The following PDE7A variants were observed in gnomAD, a reference collection of about 807,000 sequenced individuals.
PDE7A encodes phosphodiesterase 7A.
Under a neutral mutation model 64.3 loss-of-function variants are expected in PDE7A, and 39 were observed. That is an observed-to-expected ratio of 0.61 (90% CI 0.47 to 0.79). The LOEUF (loss-of-function observed/expected upper bound fraction) is 0.79, where lower values mean the gene tolerates loss of function less well. Ranked by LOEUF, PDE7A falls within the 30% of genes least tolerant of loss-of-function variation. PDE7A has a pLI of 0.00. For missense variants in PDE7A, 470 were observed against 582.8 expected, an observed-to-expected ratio of 0.81 and a Z score of 1.99; for synonymous variants, 203 against 206.8, an observed-to-expected ratio of 0.98 and a Z score of 0.16.
chr8:65,769,043 T>C (rs1808939981), intron 3 of PDE7A, among the ~76,000 whole-genome samples: 1 of 151,124 alleles, frequency 6.6e-6, no homozygotes, highest in South Asian at 2.1e-4. Context: ...AGGTCAGGAG[T>C]TCAAGACCAG....
intron 1 of PDE7A, among the ~76,000 whole-genome samples, chr8:65,785,836 AT>A (rs59412396): frequency 0.48 from 72,969 of 151,444 alleles, 20,442 homozygotes; most frequent in African/African-American, 0.78. Flanking sequence ...TATTATTATG[AT>A]TTTTTTTTAA....
At chr8:65,787,539 T>C (rs1316840247) in intron 1 of PDE7A, among the ~76,000 whole-genome samples, 1 of 152,206 alleles carries the variant, frequency 6.6e-6, no homozygotes, top group Non-Finnish European at 1.5e-5. Context: ...ATTGCACTGA[T>C]CTACCAAACA....
At chr8:65,762,675 C>A (rs1482573298) in intron 3 of PDE7A, among the ~76,000 whole-genome samples, 1 of 152,082 alleles carries the variant, frequency 6.6e-6, no homozygotes, top group East Asian at 1.9e-4. Flanking sequence ...TAGACATGGT[C>A]ATTATTATGA....
chr8:65,740,674 T>TGCTGCCA (rs1428739551), intron 5 of PDE7A, among the ~76,000 whole-genome samples: 2 of 152,280 alleles, frequency 1.3e-5, no homozygotes, highest in South Asian at 4.1e-4. Context: ...TGCTGGGATT[T>TGCTGCCA]ACAGGCGTGA....
At position 65,782,790 on chromosome 8, in the gene PDE7A, A is replaced by G; in HGVS notation, c.192T>C (p.Arg64=). 1 of 1,567,958 alleles carries G rather than the reference A, an allele frequency of 6.4e-7. No homozygotes were observed. The highest frequency in any genetic ancestry group is 8.8e-7 in the Non-Finnish European group (1 of 1,142,142). The part of the protein sequence containing the change: ...DSSDQTALYI[R]MLGDVRVRSR... The stretch of plus-strand genomic sequence containing the variant: ...AAAATAAATAATGCTTACCTAGCAT[A>G]CGAATGTATAATGCAGTCTGATCAG... The change falls in exon 2 of 13, where the codon CGT becomes CGC. Residue 64 remains arginine (R), a synonymous_variant. Coordinates refer to ENST00000401827, the MANE Select transcript of PDE7A (RefSeq NM_001242318.3).
chr8:65,730,019 TAGGAACCTGAG>T (rs1806788289), intron 7 of PDE7A, among the ~76,000 whole-genome samples: 1 of 151,752 alleles, frequency 6.6e-6, no homozygotes. Flanking sequence ...CATGGCCTGT[TAGGAACCTGAG>T]AGGAACCAGG....
intron 1 of PDE7A, among the ~76,000 whole-genome samples, chr8:65,790,574 G>C (rs1253657742): frequency 2.0e-5 from 3 of 152,142 alleles, no homozygotes; most frequent in African/African-American, 7.2e-5. Flanking sequence ...AGTACAAAGA[G>C]CTTATTTAAA....
chr8:65,774,290 T>C (rs1024281033), intron 3 of PDE7A, among the ~76,000 whole-genome samples: 3 of 149,586 alleles, frequency 2.0e-5, no homozygotes, highest in Non-Finnish European at 4.4e-5. Context: ...TTTTAAAAGA[T>C]TTTTTGTACT....
At chr8:65,727,042 G>T in intron 8 of PDE7A, 76 bp from the exon 9 acceptor site, 1 of 984,694 alleles carries the variant, frequency 1.0e-6, no homozygotes, top group Non-Finnish European at 1.6e-6. Context: ...AATACTGTTA[G>T]CAATATTAAT....
At chr8:65,727,372 T>C in intron 7 of PDE7A, 71 bp from the exon 8 acceptor site, 1 of 1,582,100 alleles carries the variant, frequency 6.3e-7, no homozygotes, top group East Asian at 2.3e-5. Context: ...ACAGTAGTTT[T>C]GAATTAGCAG....
chr8:65,721,236 G>T (rs781001168), intron 12 of PDE7A, among the ~76,000 whole-genome samples: 1 of 152,094 alleles, frequency 6.6e-6, no homozygotes, highest in African/African-American at 2.4e-5. Context: ...TTCACAGGAC[G>T]CCTTGTCAAA....
chr8:65,776,045 T>A (rs952717749), intron 3 of PDE7A, among the ~76,000 whole-genome samples: 3 of 152,194 alleles, frequency 2.0e-5, no homozygotes, highest in African/African-American at 7.2e-5. Context: ...CCCTACACCA[T>A]ATCCACATTG....
In PDE7A at chr8:65,841,361, C is replaced by A. The variant is rs1307894839; in HGVS notation, c.138+10G>T. On this transcript the variant is annotated intron_variant, in intron 1 of 12. Coordinates refer to ENST00000401827, the MANE Select transcript of PDE7A (RefSeq NM_001242318.3). ...AAGCCCTCAAGTGTGGGCCCGGCGG[C>A]GGCGATTACCTGAGAGAGCTGCCGG... The A allele has an allele frequency of 6.5e-7, 1 of 1,533,152 alleles. No individual in the cohort carries two copies. The highest frequency in any genetic ancestry group is 8.7e-7 in the Non-Finnish European group (1 of 1,143,190). The allele number at this position is 1,533,152 out of a possible 1,614,324, so 95.0% of individuals were successfully genotyped here.
chr8:65,817,267 A>G (rs1166962680), intron 1 of PDE7A, among the ~76,000 whole-genome samples: 1 of 152,242 alleles, frequency 6.6e-6, no homozygotes, highest in East Asian at 1.9e-4. Flanking sequence ...ATGCTAATTA[A>G]TATCTTACAT....
intron 1 of PDE7A, among the ~76,000 whole-genome samples, chr8:65,790,357 G>A (rs1437924835): frequency 6.6e-6 from 1 of 152,150 alleles, no homozygotes; most frequent in Admixed American, 6.5e-5. Flanking sequence ...TGGGGTAGGG[G>A]CTGGATGGGC....
chr8:65,803,621 G>A (rs1810045413), intron 1 of PDE7A, among the ~76,000 whole-genome samples: 1 of 152,128 alleles, frequency 6.6e-6, no homozygotes, highest in Non-Finnish European at 1.5e-5. Flanking sequence ...TGGCAAAATA[G>A]TTTGCACACA....
chr8:65,750,422 CTGTGTGT>C, intron 3 of PDE7A, among the ~76,000 whole-genome samples: 1 of 150,396 alleles, frequency 6.6e-6, no homozygotes, highest in African/African-American at 2.5e-5. Flanking sequence ...ATTAGGATTG[CTGTGTGT>C]GTGTATTAGG....
At chr8:65,833,567 T>G (rs1384438857) in intron 1 of PDE7A, among the ~76,000 whole-genome samples, 1 of 152,196 alleles carries the variant, frequency 6.6e-6, no homozygotes, top group Non-Finnish European at 1.5e-5. Flanking sequence ...TTCTGGAAGT[T>G]CATATAATAC....
In PDE7A at chr8:65,747,691, G is replaced by C. The variant is rs752352904; in HGVS notation, c.396C>G (p.Ser132=). The change falls in exon 4 of 13, where the codon TCC becomes TCG. Residue 132 remains serine, a synonymous_variant. Transcript: ENST00000401827. Reference sequence around the variant, plus strand: ...TATAATCATCATCTAAAATGTTTAGGGAATTTGAAACCGCAGTACCACGAA... The same window carrying C: ...TATAATCATCATCTAAAATGTTTAGCGAATTTGAAACCGCAGTACCACGAA... ...RFFRGTAVSN[S]LNILDDDYNG... 1.9e-6 allele frequency: 3 copies of C among 1,611,084 alleles called. No individual in the cohort carries two copies. The highest frequency in any genetic ancestry group is 2.5e-6 in the Non-Finnish European group (3 of 1,178,058).
Sources: allele counts gnomAD v4.1 joint callset (sites outside exome capture counted in the v4.1 genomes callset), GRCh38; gene constraint gnomAD v4.1.1; transcripts MANE v1.5; gene names NCBI Gene and HGNC (gene_info 2026-07-23, HGNC 2026-07-21).